Variants in DNAJB6 observed in about 807,000 individuals in gnomAD.
The protein encoded by DNAJB6 is DnaJ heat shock protein family (Hsp40) member B6, also known as dnaJ homolog subfamily B member 6.
In DNAJB6, 16 loss-of-function variants were observed where a neutral mutation model predicts 42.7. That is an observed-to-expected ratio of 0.37 (90% CI 0.25 to 0.57). DNAJB6 has a LOEUF of 0.57. DNAJB6 is among the 20% of genes least tolerant of loss of function. The pLI, the probability that DNAJB6 is intolerant of heterozygous loss-of-function variation, is 0.74. For missense variants in DNAJB6, 347 were observed against 416.8 expected (o/e 0.83, Z 1.46); for synonymous variants, 170 against 163.5 (o/e 1.04, Z -0.30).
intron 1 of DNAJB6, among the ~76,000 whole-genome samples, chr7:157,350,173 G>A (rs527240107): frequency 2.6e-5 from 4 of 152,274 alleles, no homozygotes; most frequent in South Asian, 2.1e-4. Context: ...TCTTTTGTTG[G>A]TGGCAATTGG....
At chr7:157,395,680 TTTTC>T (rs1801548284) in intron 8 of DNAJB6, among the ~76,000 whole-genome samples, 1 of 150,250 alleles carries the variant, frequency 6.7e-6, no homozygotes, top group Non-Finnish European at 1.5e-5. Context: ...ACGTTTTTTC[TTTTC>T]TTTTTTTTTT....
chr7:157,409,663 C>A, intron 8 of DNAJB6, 132 bp from the exon 9 acceptor site: 1 of 1,032,754 alleles, frequency 9.7e-7, no homozygotes, highest in South Asian at 1.7e-5. Flanking sequence ...AGGAGATAAC[C>A]TCTTTCTCCT....
chr7:157,368,232 T>C (rs557792117), intron 5 of DNAJB6, among the ~76,000 whole-genome samples: 2 of 152,246 alleles, frequency 1.3e-5, no homozygotes, highest in African/African-American at 2.4e-5. Flanking sequence ...TTCTTTGTTA[T>C]GTATGGCCTT....
intron 8 of DNAJB6, among the ~76,000 whole-genome samples, chr7:157,404,511 C>CT (rs1460990185): frequency 0.02 from 1,200 of 58,572 alleles, 81 homozygotes; most frequent in African/African-American, 0.07. Context: ...TGTCTTTTTT[C>CT]TTTTCTTTTT....
At chr7:157,376,667 G>T (rs1800490110) in intron 5 of DNAJB6, among the ~76,000 whole-genome samples, 1 of 152,024 alleles carries the variant, frequency 6.6e-6, no homozygotes. Context: ...GATCGCTTGA[G>T]GTCAGGAGTT....
chr7:157,379,637 A>G lies in DNAJB6; in HGVS notation c.347-2609A>G, dbSNP rs953626769. The G allele has an allele frequency of 3.3e-5, 5 of 152,272 alleles. No homozygotes were observed. The East Asian group carries it at 5.8e-4, about 18-fold the overall frequency. 9.4% of individuals were successfully genotyped at this position (152,272 alleles called of 1,614,324 possible). A position where few individuals can be genotyped will look rare whatever the true frequency, so the allele number is the denominator to read the frequency against. Reference sequence around the variant, plus strand: ...GAGGTGGGACTAAAGATGGTGTGCCACCACACCTGGCTAATTTTTAAATTT... The same window carrying G: ...GAGGTGGGACTAAAGATGGTGTGCCGCCACACCTGGCTAATTTTTAAATTT... On this transcript the variant is annotated intron_variant, in intron 5 of 9. Coordinates refer to ENST00000262177, the MANE Select transcript of DNAJB6 (RefSeq NM_058246.4).
chr7:157,413,313 C>A (rs1442235580), intron 9 of DNAJB6: 1 of 152,236 alleles, frequency 6.6e-6, no homozygotes, highest in East Asian at 1.9e-4. Context: ...TAAAGCAGGT[C>A]CTTTGTTTTT....
At chr7:157,378,353 T>C (rs891349951) in intron 5 of DNAJB6, 1 of 152,218 alleles carries the variant, frequency 6.6e-6, no homozygotes, top group Non-Finnish European at 1.5e-5. Context: ...AAAGTAATAA[T>C]ACATGCTGGG....
At chr7:157,409,768 GCTCT>G (rs945781215) in intron 8 of DNAJB6, 23 bp from the exon 9 acceptor site, 6 of 1,503,158 alleles carry the variant, frequency 4.0e-6, no homozygotes, top group East Asian at 2.5e-5. Context: ...CTCACTCACG[GCTCT>G]CTCTCTCCCG....
intron 8 of DNAJB6, among the ~76,000 whole-genome samples, chr7:157,391,058 A>G (rs1418342214): frequency 1.3e-5 from 2 of 151,292 alleles, no homozygotes; most frequent in African/African-American, 2.4e-5. Flanking sequence ...CTGGTCTTGA[A>G]CTCTTGGGCT....
intron 8 of DNAJB6, among the ~76,000 whole-genome samples, chr7:157,406,787 C>T (rs1307570303): frequency 2.0e-5 from 3 of 152,254 alleles, no homozygotes; most frequent in Admixed American, 6.5e-5. Flanking sequence ...GCTTTGGACG[C>T]TGCAGGTGTC....
At chr7:157,388,089 A>G (rs1801163373) in intron 8 of DNAJB6, among the ~76,000 whole-genome samples, 1 of 152,178 alleles carries the variant, frequency 6.6e-6, no homozygotes, top group African/African-American at 2.4e-5. Context: ...CAAGTGATCC[A>G]TCCACCTTGG....
intron 8 of DNAJB6, among the ~76,000 whole-genome samples, chr7:157,391,332 G>A (rs1019568125): frequency 6.6e-6 from 1 of 152,176 alleles, no homozygotes; most frequent in Non-Finnish European, 1.5e-5. Flanking sequence ...AAACTTCCAG[G>A]GATGCTTTAC....
chr7:157,368,961 G>T, intron 5 of DNAJB6: 1 of 302,152 alleles, frequency 3.3e-6, no homozygotes, highest in Non-Finnish European at 6.4e-6. Flanking sequence ...TGGGCCTTTT[G>T]CATGGTGCAG....
At chr7:157,366,712 A>G in intron 4 of DNAJB6, 151 bp downstream of exon 4, 1 of 677,284 alleles carries the variant, frequency 1.5e-6, no homozygotes, top group South Asian at 1.8e-5. Context: ...GGACAGAGAA[A>G]TTGATGGCAT....
intron 1 of DNAJB6, among the ~76,000 whole-genome samples, chr7:157,345,717 G>A (rs1309149390): frequency 6.6e-6 from 1 of 152,118 alleles, no homozygotes; most frequent in Non-Finnish European, 1.5e-5. Context: ...TTTAAATTGT[G>A]TATAATTTTA....
intron 8 of DNAJB6, among the ~76,000 whole-genome samples, chr7:157,406,801 A>C (rs1050670115): frequency 2.6e-5 from 4 of 152,234 alleles, no homozygotes; most frequent in African/African-American, 9.6e-5. Context: ...AGGTGTCTTC[A>C]ATATTCATTT....
intron 8 of DNAJB6, among the ~76,000 whole-genome samples, chr7:157,400,462 G>T (rs191761050): frequency 6.6e-6 from 1 of 152,350 alleles, no homozygotes. Context: ...GTGGCCGTCG[G>T]CTCCATCCTG....
At position 157,393,320 on chromosome 7, in the gene DNAJB6, A is replaced by G. The variant is rs903554765; in HGVS notation, c.691+7709A>G. Among the ~76,000 whole-genome samples the G allele has an allele frequency of 5.3e-5, 8 of 152,202 alleles. No homozygotes were observed. The South Asian group carries it at 1.5e-3, about 28-fold the overall frequency. The stretch of plus-strand genomic sequence containing the variant: ...GAATTGGAATATCATATTTTTTACA[A>G]TTGGAAAACTCTATAAATTTTCTAA... On this transcript the variant is annotated intron_variant, in intron 8 of 9. Coordinates refer to ENST00000262177, the MANE Select transcript of DNAJB6 (RefSeq NM_058246.4).
Sources: allele counts gnomAD v4.1 joint callset (sites outside exome capture counted in the v4.1 genomes callset), GRCh38; gene constraint gnomAD v4.1.1; transcripts MANE v1.5; gene names NCBI Gene and HGNC (gene_info 2026-07-23, HGNC 2026-07-21).